The following RBM48 variants were observed in gnomAD, a reference collection of about 807,000 sequenced individuals.
RBM48 encodes RNA binding motif protein 48.
Under a neutral mutation model 34.8 loss-of-function variants are expected in RBM48, and 32 were observed. The ratio of observed to expected loss-of-function variants is 0.92; its 90% CI spans 0.69 to 1.23. The LOEUF (loss-of-function observed/expected upper bound fraction) is 1.23. Ranked by LOEUF, RBM48 falls within the 50% of genes most tolerant of loss-of-function variation. The pLI, the probability that RBM48 is intolerant of heterozygous loss-of-function variation, is 0.00. For missense variants in RBM48, 441 were observed against 447.2 expected, an observed-to-expected ratio of 0.99 and a Z score of 0.12; for synonymous variants, 151 against 156.2, an observed-to-expected ratio of 0.97 and a Z score of 0.25.
rs898114285 is a variant in RBM48 at position 92,538,108 on chromosome 7, T to C, written c.*1171T>C. ...TAATAAGGTTCAATTTCAGCTATGA[T>C]GTACTTGTAGCAGGACGAGCTGCAG... On this transcript the variant is annotated 3_prime_UTR_variant, in exon 5 of 5. Coordinates refer to ENST00000265732, the MANE Select transcript of RBM48 (RefSeq NM_032120.4). The C allele has an allele frequency of 1.3e-5, 2 of 152,256 alleles. No homozygotes were observed. Among genetic ancestry groups the C allele is most frequent in the Non-Finnish European group, 2.9e-5 (2 of 68,052 alleles). 9.4% of individuals were successfully genotyped at this position (152,256 alleles called of 1,614,324 possible).
rs761575096 is a variant in RBM48, at chr7:92,534,505, G to T, written c.552G>T (p.Leu184Phe). 2.2e-5 allele frequency: 36 copies of T among 1,614,096 alleles called. No homozygotes were observed. In the South Asian group the frequency reaches 4.0e-4, roughly 18 times the overall value. ...SEMSGFCKAA[L>F]NTSAGNSNPY... ...TGTCTGGATTTTGTAAAGCTGCTTT[G>T]AACACTTCTGCAGGGAACTCAAATC... Residue 184 changes from leucine to phenylalanine, a missense_variant, in exon 4 of 5, where the codon TTG (leucine) becomes TTT (phenylalanine). Coordinates refer to ENST00000265732, the MANE Select transcript of RBM48 (RefSeq NM_032120.4).
chr7:92,529,294 C>T, intron 1 of RBM48, 182 bp from the exon 2 acceptor site: 2 of 581,680 alleles, frequency 3.4e-6, no homozygotes, highest in South Asian at 4.4e-5. Flanking sequence ...CTTAGGTAGC[C>T]TCTCACATGG....
intron 3 of RBM48, 29 bp downstream of exon 3, chr7:92,532,578 C>G: frequency 6.5e-7 from 1 of 1,546,950 alleles, no homozygotes; most frequent in African/African-American, 1.4e-5. Context: ...TAAATGCCTC[C>G]TGTGTGTCAG....
chr7:92,533,266 A>G (rs566287613), intron 3 of RBM48, among the ~76,000 whole-genome samples: 1 of 152,258 alleles, frequency 6.6e-6, no homozygotes, highest in African/African-American at 2.4e-5. Context: ...AAATAGCACC[A>G]GGAAAACTTG....
Position 92,534,850 on chromosome 7 carries a change from A to C in RBM48, c.897A>C (p.Gln299His), listed in dbSNP as rs1562878121. The change falls in exon 4 of 5, where the codon CAA becomes CAC. Residue 299 changes from glutamine to histidine, a missense_variant. Coordinates refer to ENST00000265732, the MANE Select transcript of RBM48 (RefSeq NM_032120.4). ...ATCGTAAACTTGGAACTTTTCTTCA[A>C]ACAAACCCAACTGGTAATGAGATTA... is the stretch of plus-strand genomic sequence containing the variant. ...EDDRKLGTFL[Q>H]TNPTGNEIMI... 6.2e-7 allele frequency: 1 copy of C among 1,614,232 alleles called. No homozygotes were observed. The highest frequency in any genetic ancestry group is 8.5e-7 in the Non-Finnish European group (1 of 1,180,026).
intron 1 of RBM48, 137 bp from the exon 2 acceptor site, chr7:92,529,338 AT>A: frequency 1.0e-5 from 6 of 600,736 alleles, no homozygotes; most frequent in Non-Finnish European, 1.7e-5. Context: ...AATGGCAGAA[AT>A]TTCATTTTGT....
Position 92,537,031 on chromosome 7 carries a change from AT to A in RBM48, c.*100del. 1.2e-6 allele frequency: 1 copy of A among 857,318 alleles called. No homozygotes were observed. Among genetic ancestry groups the A allele is most frequent in the Non-Finnish European group, 1.8e-6 (1 of 564,192 alleles). The allele number at this position is 857,318 out of a possible 1,614,324, so 53.1% of individuals were successfully genotyped here. A position where few individuals can be genotyped will look rare whatever the true frequency, so the allele number is the denominator to read the frequency against. On this transcript the variant is annotated 3_prime_UTR_variant, in exon 5 of 5. Transcript: ENST00000265732. ...TTCTTCAAGAGATTTTACTGCTGGT[AT>A]TTTTTAATGCACTCCTCTTTGTAAT...
At chr7:92,536,305 T>C in intron 4 of RBM48, 2 of 979,242 alleles carry the variant, frequency 2.0e-6, no homozygotes, top group Non-Finnish European at 2.4e-6. Context: ...AAAAAGATAT[T>C]AAATACAGTT....
chr7:92,536,624 T>A, intron 4 of RBM48: 1 of 1,152,810 alleles, frequency 8.7e-7, no homozygotes, highest in South Asian at 4.1e-5. Flanking sequence ...TCCTCCAAAT[T>A]TTTTTTCTTT....
In RBM48 at chr7:92,528,839, G is replaced by A. The variant is rs1793449242; in HGVS notation, c.26G>A (p.Gly9Glu). ...ATGGCGTCGAGCGGCGGGGAGCTAG[G>A]GAGTTTATTTGATCACCACGTCCAG... The part of the protein sequence containing the change: MASSGGEL[G>E]SLFDHHVQRA... The change falls in exon 1 of 5, where the codon GGG becomes GAG. Residue 9 changes from glycine to glutamate, a missense_variant. By Grantham distance (98) the Gly-to-Glu change is moderately conservative. Transcript: ENST00000265732. 4 of 1,614,130 alleles carry A rather than the reference G, an allele frequency of 2.5e-6. No homozygotes were observed. Among genetic ancestry groups the A allele is most frequent in the Non-Finnish European group, 1.7e-6 (2 of 1,180,006 alleles).
intron 3 of RBM48, 136 bp downstream of exon 3, chr7:92,532,685 C>G: frequency 1.6e-6 from 1 of 629,724 alleles, no homozygotes; most frequent in Non-Finnish European, 2.8e-6. Context: ...CCACAGGGTT[C>G]TCTGCAGCAC....
chr7:92,528,902 G>A lies in RBM48; in HGVS notation c.89G>A (p.Gly30Glu), dbSNP rs1316978192. The change falls in exon 1 of 5, where the codon GGA becomes GAA. Residue 30 changes from glycine to glutamate, a missense_variant. Transcript: ENST00000265732. ...GACACACGGGCCAAATATCGAGAGG[G>A]ACGACGGCCTCGTGCTGTGAAGGTA... ...VCDTRAKYRE[G>E]RRPRAVKVYT... 1 of 1,614,020 alleles carries A rather than the reference G, an allele frequency of 6.2e-7. No homozygotes were observed. The highest frequency in any genetic ancestry group is 1.1e-5 in the South Asian group (1 of 91,066).
At chr7:92,529,413 T>G in intron 1 of RBM48, 63 bp from the exon 2 acceptor site, 1 of 959,310 alleles carries the variant, frequency 1.0e-6, no homozygotes, top group Non-Finnish European at 1.6e-6. Context: ...TAAAAAAAAA[T>G]AGAGGCAGAT....
At chr7:92,531,365 C>T (rs995197267) in intron 2 of RBM48, among the ~76,000 whole-genome samples, 1 of 152,182 alleles carries the variant, frequency 6.6e-6, no homozygotes. Context: ...GTGACATAAT[C>T]CTCTGCTCCA....
rs1006797842 is a variant in RBM48, at chr7:92,540,056, A to G, written c.*3119A>G. Among the ~76,000 whole-genome samples, 2 of 152,234 alleles carry G rather than the reference A, an allele frequency of 1.3e-5. No homozygotes were observed. The highest frequency in any genetic ancestry group is 2.9e-5 in the Non-Finnish European group (2 of 68,038). ...AATTGTCTATTGCTAAAGAGGTTAA[A>G]AGCTCAATGGAAGTCTTGAATATAG... On this transcript the variant is annotated 3_prime_UTR_variant, in exon 5 of 5. Coordinates refer to ENST00000265732, the MANE Select transcript of RBM48 (RefSeq NM_032120.4).
chr7:92,528,821 C>A lies in RBM48; in HGVS notation c.8C>A (p.Ser3Ter), dbSNP rs115296343. 1.2e-6 allele frequency: 2 copies of A among 1,613,868 alleles called. No individual in the cohort carries two copies. Among genetic ancestry groups the A allele is most frequent in the South Asian group, 1.1e-5 (1 of 91,046 alleles). Residue 3 changes from serine (S) to a stop codon, truncating the protein, a stop_gained, in exon 1 of 5, where the codon TCG becomes TAG. Transcript: ENST00000265732. LOFTEE classifies it high-confidence loss of function. The part of the protein sequence containing the change: MA[S>*]SGGELGSLFD... ...AGGATCAAAGTAGGCAAGATGGCGT[C>A]GAGCGGCGGGGAGCTAGGGAGTTTA...
rs1443236272 is a variant in RBM48 at position 92,537,809 on chromosome 7, A to T, written c.*872A>T. ...ATTACATAATTGGAAATTTCAGTAC[A>T]TCTAGACTGTCTCTATTTTCTTTTT... On this transcript the variant is annotated 3_prime_UTR_variant, in exon 5 of 5. Transcript: ENST00000265732. 1.3e-5 allele frequency: 2 copies of T among 152,176 alleles called. No individual in the cohort carries two copies. The highest frequency in any genetic ancestry group is 2.9e-5 in the Non-Finnish European group (2 of 68,030). 9.4% of individuals were successfully genotyped at this position (152,176 alleles called of 1,614,324 possible).
intron 2 of RBM48, among the ~76,000 whole-genome samples, chr7:92,530,066 A>G (rs894856470): frequency 2.0e-5 from 3 of 151,142 alleles, no homozygotes; most frequent in African/African-American, 7.3e-5. Context: ...AATCCCAGCT[A>G]CTCGGGAGGC....
At chr7:92,533,403 ATTATT>A (rs1793623881) in intron 3 of RBM48, among the ~76,000 whole-genome samples, 1 of 152,232 alleles carries the variant, frequency 6.6e-6, no homozygotes, top group South Asian at 2.1e-4. Flanking sequence ...ACCTGCCTAT[ATTATT>A]AGAGATGAAT....
Sources: allele counts gnomAD v4.1 joint callset (sites outside exome capture counted in the v4.1 genomes callset), GRCh38; gene constraint gnomAD v4.1.1; transcripts MANE v1.5; gene names NCBI Gene and HGNC (gene_info 2026-07-23, HGNC 2026-07-21).